TOP6BL: variants seen among roughly 807,000 people sequenced by gnomAD.
TOP6BL encodes TOP6B like initiator of meiotic double strand breaks, also known as type 2 DNA topoisomerase 6 subunit B-like.
the TOP6BL span, among the ~76,000 whole-genome samples, chr11:66,823,592 G>T: frequency 6.6e-6 from 1 of 152,020 alleles, no homozygotes; most frequent in African/African-American, 2.4e-5. Flanking sequence ...AGGCTGAGGC[G>T]GTGGATTGCT....
chr11:66,798,427 C>CT, the TOP6BL span, among the ~76,000 whole-genome samples: 1 of 151,568 alleles, frequency 6.6e-6, no homozygotes, highest in Non-Finnish European at 1.5e-5. Flanking sequence ...TGGTGAAACT[C>CT]TGTCTCTACT....
chr11:66,832,158 C>T, the TOP6BL span, among the ~76,000 whole-genome samples: 12 of 150,724 alleles, frequency 8.0e-5, no homozygotes, highest in Admixed American at 7.3e-4. Context: ...AGTGCAGTGG[C>T]GTGATCTCGG....
At chr11:66,839,874 T>C in the TOP6BL span, among the ~76,000 whole-genome samples, 1 of 152,186 alleles carries the variant, frequency 6.6e-6, no homozygotes, top group African/African-American at 2.4e-5. Flanking sequence ...TTATCTCATT[T>C]AGTCTTTACA....
chr11:66,777,087 C>A, the TOP6BL span, among the ~76,000 whole-genome samples: 1 of 145,512 alleles, frequency 6.9e-6, no homozygotes, highest in East Asian at 2.0e-4. Context: ...CTATATATAT[C>A]TATATATCTA....
At chr11:66,761,834 T>C in the TOP6BL span, 8 of 887,044 alleles carry the variant, frequency 9.0e-6, no homozygotes, top group Non-Finnish European at 1.3e-5. Flanking sequence ...CAGCCTCCTC[T>C]TCTTGTCCAG....
chr11:66,841,848 G>A, the TOP6BL span, among the ~76,000 whole-genome samples: 2 of 151,694 alleles, frequency 1.3e-5, no homozygotes, highest in African/African-American at 4.9e-5. Context: ...CTTTGCATAA[G>A]GTTTGTGTTA....
At chr11:66,820,335 AAGCC>A in the TOP6BL span, among the ~76,000 whole-genome samples, 1 of 152,184 alleles carries the variant, frequency 6.6e-6, no homozygotes, top group Admixed American at 6.5e-5. Context: ...GTCCTGGAAA[AAGCC>A]AGCCAGTTTT....
At chr11:66,820,983 C>G in the TOP6BL span, among the ~76,000 whole-genome samples, 1 of 152,108 alleles carries the variant, frequency 6.6e-6, no homozygotes, top group Admixed American at 6.6e-5. Flanking sequence ...GCATCTTTCC[C>G]ACTCCCAGTC....
chr11:66,832,025 T>G, the TOP6BL span, among the ~76,000 whole-genome samples: 8 of 149,160 alleles, frequency 5.4e-5, no homozygotes, highest in Non-Finnish European at 8.9e-5. Context: ...AACAAAAAAT[T>G]GTACATTTTC....
chr11:66,787,839 T>C, the TOP6BL span, among the ~76,000 whole-genome samples: 1 of 152,076 alleles, frequency 6.6e-6, no homozygotes, highest in African/African-American at 2.4e-5. Context: ...TATTAAAAAA[T>C]ACAAGAATAT....
the TOP6BL span, among the ~76,000 whole-genome samples, chr11:66,765,681 A>G: frequency 6.6e-6 from 1 of 152,118 alleles, no homozygotes. Flanking sequence ...ACGGCCAGCT[A>G]ATTTTTATAT....
the TOP6BL span, chr11:66,843,399 C>G: frequency 2.8e-6 from 4 of 1,427,396 alleles, no homozygotes; most frequent in Non-Finnish European, 3.6e-6. Flanking sequence ...CGCGGCCTGA[C>G]GTCACCCACA....
chr11:66,782,182 G>A, the TOP6BL span, among the ~76,000 whole-genome samples: 10 of 152,214 alleles, frequency 6.6e-5, no homozygotes, highest in South Asian at 2.1e-3. Context: ...CACCTTCATC[G>A]ACAGTATGGT....
chr11:66,799,496 G>A, the TOP6BL span, among the ~76,000 whole-genome samples: 2 of 151,318 alleles, frequency 1.3e-5, no homozygotes, highest in Admixed American at 6.6e-5. Context: ...ACTCACTTGG[G>A]TGGTCAGGAG....
chr11:66,793,914 T>C, the TOP6BL span, among the ~76,000 whole-genome samples: 1 of 152,036 alleles, frequency 6.6e-6, no homozygotes, highest in East Asian at 1.9e-4. Flanking sequence ...GAGACCAGCC[T>C]GGGCAACATA....
chr11:66,755,832 C>T, the TOP6BL span, among the ~76,000 whole-genome samples: 1 of 152,162 alleles, frequency 6.6e-6, no homozygotes, highest in African/African-American at 2.4e-5. Flanking sequence ...GTATCACTCC[C>T]TGCCTTCACA....
chr11:66,811,648 T>A, the TOP6BL span, among the ~76,000 whole-genome samples: 1,650 of 152,346 alleles, frequency 0.011, 37 homozygotes, highest in African/African-American at 0.037. Flanking sequence ...TTCTTAAACT[T>A]TATATGAATT....
chr11:66,799,063 C>T, the TOP6BL span, among the ~76,000 whole-genome samples: 3 of 151,338 alleles, frequency 2.0e-5, no homozygotes, highest in African/African-American at 7.3e-5. Flanking sequence ...AAAAATTAGC[C>T]GGGCATGGTG....
At chr11:66,756,295 C>T in the TOP6BL span, 8 of 1,127,990 alleles carry the variant, frequency 7.1e-6, no homozygotes, top group South Asian at 1.5e-4. Flanking sequence ...ATGAAACATA[C>T]TGTTTGGGAA....
Sources: allele counts gnomAD v4.1 joint callset (sites outside exome capture counted in the v4.1 genomes callset), GRCh38; gene constraint gnomAD v4.1.1; transcripts MANE v1.5; gene names NCBI Gene and HGNC (gene_info 2026-07-23, HGNC 2026-07-21).